SLC30A7: variants seen among roughly 807,000 people sequenced by gnomAD.
The protein encoded by SLC30A7 is zinc transporter 7.
SLC30A7 carries 35 observed loss-of-function variants against 46.0 expected under a neutral mutation model. The observed-to-expected ratio is 0.76, with a 90% confidence interval of 0.58 to 1.01. The LOEUF is 1.01. Among genes scored for constraint, SLC30A7 ranks in the 50% least tolerant of loss-of-function variants. The probability of loss-of-function intolerance (pLI) is 0.00; values close to 1 mark genes in which losing one functional copy is unlikely to be tolerated. For missense variants in SLC30A7, 464 were observed against 451.1 expected, an observed-to-expected ratio of 1.03 and a Z score of -0.26; for synonymous variants, 147 against 157.8, an observed-to-expected ratio of 0.93 and a Z score of 0.51.
intron 9 of SLC30A7, among the ~76,000 whole-genome samples, chr1:100,962,520 T>C (rs1655602979): frequency 6.6e-6 from 1 of 152,218 alleles, no homozygotes; most frequent in African/African-American, 2.4e-5. Context: ...GTAAAAGTGC[T>C]ATGGCTGGAT....
rs546538082 is a variant in SLC30A7, at chr1:100,955,693, C to T, written c.843-6135C>T. ...CCAAGCTAAAATCTGGTTTATGCTT[C>T]TCTATTACAATAGTTAATCAGAAAA... On this transcript the variant is annotated intron_variant, in intron 8 of 10. Transcript: ENST00000357650. 1.3e-5 allele frequency among the ~76,000 whole-genome samples: 2 copies of T among 152,162 alleles called. 1 individual carries two copies. Among genetic ancestry groups the T allele is most frequent in the South Asian group, 4.1e-4 (2 of 4,822 alleles).
At chr1:100,983,405 A>C (rs7511837), downstream of SLC30A7, among the ~76,000 whole-genome samples, 17,750 of 119,080 alleles carry the variant, frequency 0.15, 1,003 homozygotes, top group African/African-American at 0.24. Flanking sequence ...ACAAAACAAA[A>C]CAAAAAAAAC....
At chr1:100,983,387 AAAAC>A (rs756525744), downstream of SLC30A7, among the ~76,000 whole-genome samples, 14,822 of 145,608 alleles carry the variant, frequency 0.1, 769 homozygotes, top group Non-Finnish European at 0.14. Flanking sequence ...AAAAAAAAAA[AAAAC>A]AAAACAAAAC....
intron 8 of SLC30A7, among the ~76,000 whole-genome samples, chr1:100,932,796 A>G (rs1401147374): frequency 2.0e-5 from 3 of 152,158 alleles, no homozygotes; most frequent in Non-Finnish European, 4.4e-5. Flanking sequence ...ATAAAAATGA[A>G]CAAGGTACAG....
rs899971004 is a variant in SLC30A7 at position 100,980,167 on chromosome 1, T to G, written c.*5310T>G. 2 of 152,246 alleles carry G rather than the reference T, an allele frequency of 1.3e-5. No homozygotes were observed. Among genetic ancestry groups the G allele is most frequent in the African/African-American group, 4.8e-5 (2 of 41,564 alleles). 9.4% of individuals were successfully genotyped at this position (152,246 alleles called of 1,614,324 possible). Reference sequence around the variant, plus strand: ...GGACTGAATGAAAAGATAGTACCCTTTGTGGCTGTATGAAGAGAGAAACTG... The same window carrying G: ...GGACTGAATGAAAAGATAGTACCCTGTGTGGCTGTATGAAGAGAGAAACTG... On this transcript the variant is annotated 3_prime_UTR_variant, in exon 11 of 11. Transcript: ENST00000357650.
rs114383982 is a variant in SLC30A7, at chr1:100,934,928, C to T, written c.842+13087C>T. Among the ~76,000 whole-genome samples, 1,194 of 151,996 alleles carry T rather than the reference C, an allele frequency of 7.9e-3. 10 individuals are homozygous for T. The highest frequency in any genetic ancestry group is 0.014 in the Non-Finnish European group (939 of 67,966). On this transcript the variant is annotated intron_variant, in intron 8 of 10. Coordinates refer to ENST00000357650, the MANE Select transcript of SLC30A7 (RefSeq NM_133496.5). ...GGAAGATCGCTTGAGCTTGGGAAGT[C>T]GAGGCTGCAGTGAGTCGTGATCACG... is the stretch of plus-strand genomic sequence containing the variant.
chr1:100,931,354 C>G (rs1158962183), intron 8 of SLC30A7, among the ~76,000 whole-genome samples: 1 of 152,168 alleles, frequency 6.6e-6, no homozygotes, highest in Non-Finnish European at 1.5e-5. Context: ...CATTACATTA[C>G]TACACACATA....
intron 8 of SLC30A7, among the ~76,000 whole-genome samples, chr1:100,924,248 G>A (rs1010853860): frequency 6.6e-6 from 1 of 152,038 alleles, no homozygotes; most frequent in African/African-American, 2.4e-5. Context: ...TGACCTCTTT[G>A]GTCTCTCTCA....
At chr1:100,961,024 G>A (rs1655519004) in intron 8 of SLC30A7, among the ~76,000 whole-genome samples, 1 of 147,814 alleles carries the variant, frequency 6.8e-6, no homozygotes, top group Admixed American at 6.8e-5. Flanking sequence ...GTGCGATCTC[G>A]GCTCACTGCA....
At chr1:100,928,080 A>T (rs1429094204) in intron 8 of SLC30A7, among the ~76,000 whole-genome samples, 1 of 152,172 alleles carries the variant, frequency 6.6e-6, no homozygotes, top group Non-Finnish European at 1.5e-5. Flanking sequence ...AATAATGAAA[A>T]GAGTAGAGGT....
At chr1:100,964,259 AAT>A (rs746749551) in intron 9 of SLC30A7, among the ~76,000 whole-genome samples, 64 of 89,960 alleles carry the variant, frequency 7.1e-4, no homozygotes, top group Non-Finnish European at 1.4e-3. Context: ...ATATATACAC[AAT>A]ATATGTTATA....
At chr1:100,966,009 T>C in intron 10 of SLC30A7, 91 bp downstream of exon 10, 2 of 1,147,894 alleles carry the variant, frequency 1.7e-6, no homozygotes, top group Non-Finnish European at 2.5e-6. Context: ...TGTGAGAGGA[T>C]GGCTTGAGGC....
At chr1:100,905,206 T>C (rs1360718857) in intron 2 of SLC30A7, among the ~76,000 whole-genome samples, 3 of 152,200 alleles carry the variant, frequency 2.0e-5, no homozygotes, top group African/African-American at 7.2e-5. Flanking sequence ...ATTTTTTTTC[T>C]CTTTCAATAC....
chr1:100,906,763 T>A, intron 2 of SLC30A7, 89 bp from the exon 3 acceptor site: 1 of 846,620 alleles, frequency 1.2e-6, no homozygotes. Context: ...TAATTCCTGA[T>A]GAACAAAGGC....
chr1:100,959,795 A>G (rs1408023802), intron 8 of SLC30A7, among the ~76,000 whole-genome samples: 2 of 152,208 alleles, frequency 1.3e-5, no homozygotes, highest in East Asian at 3.8e-4. Flanking sequence ...TACATAGGGC[A>G]TGAATACTAC....
At chr1:100,929,189 CT>C (rs1453273333) in intron 8 of SLC30A7, among the ~76,000 whole-genome samples, 2 of 151,968 alleles carry the variant, frequency 1.3e-5, no homozygotes, top group Non-Finnish European at 2.9e-5. Context: ...TTAATTGGCT[CT>C]CTCTGGGTAG....
chr1:100,945,994 C>T (rs758047052), intron 8 of SLC30A7, among the ~76,000 whole-genome samples: 7 of 152,262 alleles, frequency 4.6e-5, no homozygotes, highest in Non-Finnish European at 1.0e-4. Flanking sequence ...TTGAAGAGGT[C>T]CTTCACATCC....
rs766944995 is a variant in SLC30A7 at position 100,965,750 on chromosome 1, T to C, written c.934-19T>C. On this transcript the variant is annotated intron_variant, in intron 9 of 10. Coordinates refer to ENST00000357650, the MANE Select transcript of SLC30A7 (RefSeq NM_133496.5). Reference sequence around the variant, plus strand: ...GCTTAACTTGATTATGATGTTAATATCTCTCCTTTATATTTCAGGTACAGC... The same window carrying C: ...GCTTAACTTGATTATGATGTTAATACCTCTCCTTTATATTTCAGGTACAGC... The C allele has an allele frequency of 1.2e-6, 2 of 1,607,486 alleles. No individual in the cohort carries two copies. The highest frequency in any genetic ancestry group is 1.7e-6 in the Non-Finnish European group (2 of 1,174,118).
At chr1:100,901,798 T>C (rs908178990) in intron 2 of SLC30A7, among the ~76,000 whole-genome samples, 1 of 152,172 alleles carries the variant, frequency 6.6e-6, no homozygotes, top group Non-Finnish European at 1.5e-5. Flanking sequence ...AGTTTACAAA[T>C]ACATTTTAGA....
Sources: allele counts gnomAD v4.1 joint callset (sites outside exome capture counted in the v4.1 genomes callset), GRCh38; gene constraint gnomAD v4.1.1; transcripts MANE v1.5; gene names NCBI Gene and HGNC (gene_info 2026-07-23, HGNC 2026-07-21).